The following KIF20B variants were observed in gnomAD, a reference collection of about 807,000 sequenced individuals.
The protein encoded by KIF20B is kinesin family member 20B, also known as kinesin-like protein KIF20B.
KIF20B carries 188 observed loss-of-function variants against 232.5 expected under a neutral mutation model. The observed-to-expected ratio is 0.81, with a 90% CI of 0.72 to 0.91. KIF20B has a LOEUF of 0.91. Among genes scored for constraint, KIF20B ranks in the 40% least tolerant of loss-of-function variants. The probability of loss-of-function intolerance (pLI) is 0.00; values close to 1 mark genes in which losing one functional copy is unlikely to be tolerated. For missense variants in KIF20B, 2,154 were observed against 2,055.9 expected, an observed-to-expected ratio of 1.05 and a Z score of -0.92; for synonymous variants, 712 against 683.0, an observed-to-expected ratio of 1.04 and a Z score of -0.66.
At chr10:89,707,854 G>T (rs957671854) in intron 2 of KIF20B, among the ~76,000 whole-genome samples, 2 of 152,134 alleles carry the variant, frequency 1.3e-5, no homozygotes, top group Non-Finnish European at 2.9e-5. Flanking sequence ...ACTTTGCTGA[G>T]AATTTTTATT....
chr10:89,716,129 C>T (rs192120125), intron 8 of KIF20B, among the ~76,000 whole-genome samples: 1 of 152,286 alleles, frequency 6.6e-6, no homozygotes, highest in East Asian at 1.9e-4. Context: ...TTAATCTGTA[C>T]TGTACTTTGC....
intron 26 of KIF20B, among the ~76,000 whole-genome samples, chr10:89,756,164 A>G (rs760422729): frequency 1.1e-4 from 17 of 152,204 alleles, no homozygotes; most frequent in African/African-American, 7.2e-5. Flanking sequence ...CTCATGTCAC[A>G]TGGTGTAAAT....
intron 4 of KIF20B, 53 bp from the exon 5 acceptor site, chr10:89,709,874 A>C: frequency 1.4e-6 from 2 of 1,460,536 alleles, no homozygotes; most frequent in Non-Finnish European, 1.9e-6. Context: ...GGAACACACT[A>C]TTAATATTAA....
At chr10:89,739,805 A>G (rs1841754165) in intron 21 of KIF20B, among the ~76,000 whole-genome samples, 1 of 152,156 alleles carries the variant, frequency 6.6e-6, no homozygotes, top group Non-Finnish European at 1.5e-5. Context: ...TTTAAAAAAT[A>G]TAATTTAACC....
At chr10:89,705,842 G>A (rs1447220771) in intron 2 of KIF20B, among the ~76,000 whole-genome samples, 1 of 152,112 alleles carries the variant, frequency 6.6e-6, no homozygotes, top group East Asian at 1.9e-4. Flanking sequence ...GAGATTTGTC[G>A]TGTGTCATAC....
intron 2 of KIF20B, among the ~76,000 whole-genome samples, chr10:89,708,377 A>G (rs1023128892): frequency 3.3e-5 from 5 of 151,864 alleles, no homozygotes; most frequent in African/African-American, 1.2e-4. Context: ...ATGCCTGGCT[A>G]ATTTTGTATT....
chr10:89,727,931 TATTTA>T (rs764700482), intron 17 of KIF20B, 35 bp downstream of exon 17: 7 of 1,507,600 alleles, frequency 4.6e-6, no homozygotes, highest in Admixed American at 4.2e-5. Flanking sequence ...CTTGATAAGG[TATTTA>T]ATTAACAAAG....
At chr10:89,736,651 G>C (rs1456596662) in intron 19 of KIF20B, among the ~76,000 whole-genome samples, 3 of 152,026 alleles carry the variant, frequency 2.0e-5, no homozygotes, top group Non-Finnish European at 4.4e-5. Context: ...GCCTGAAAAA[G>C]GCAAACTTTT....
intron 13 of KIF20B, among the ~76,000 whole-genome samples, chr10:89,719,984 C>T (rs1348474160): frequency 6.6e-6 from 1 of 152,180 alleles, no homozygotes; most frequent in Non-Finnish European, 1.5e-5. Context: ...TGACACCTTA[C>T]ATCTAAATAT....
In KIF20B at chr10:89,758,718, G is replaced by T. The variant is rs781212813; in HGVS notation, c.4516G>T (p.Ala1506Ser). ...ATTTCCTGATTAGGAAATACTGACA[G>T]CCCAGCTGACAGAGAAAGATAGTGA... ...KQQNEMEILT[A>S]QLTEKDSDLQ... is the part of the protein sequence containing the mutation. The change falls in exon 27 of 33, where the codon GCC becomes TCC. Residue 1506 changes from alanine (A) to serine (S), a missense_variant. Transcript: ENST00000371728. 1 of 1,587,632 alleles carries T rather than the reference G, an allele frequency of 6.3e-7. No individual in the cohort carries two copies. Among genetic ancestry groups the T allele is most frequent in the Non-Finnish European group, 8.6e-7 (1 of 1,169,036 alleles).
intron 6 of KIF20B, among the ~76,000 whole-genome samples, chr10:89,712,744 A>C (rs1842859915): frequency 6.6e-6 from 1 of 152,156 alleles, no homozygotes; most frequent in Admixed American, 6.5e-5. Flanking sequence ...TTTAAAAATG[A>C]AGTTATACTT....
chr10:89,764,491 A>T (rs1375396978), intron 29 of KIF20B, among the ~76,000 whole-genome samples: 5 of 152,146 alleles, frequency 3.3e-5, no homozygotes, highest in African/African-American at 1.2e-4. Context: ...ACGATGGTTG[A>T]ACTAGTTTAC....
intron 29 of KIF20B, among the ~76,000 whole-genome samples, chr10:89,765,852 A>G (rs1241811593): frequency 1.3e-5 from 2 of 152,064 alleles, no homozygotes; most frequent in Non-Finnish European, 1.5e-5. Context: ...TGGCTTGTAG[A>G]GTTTCTGCCG....
At chr10:89,722,677 T>A (rs996913164) in intron 13 of KIF20B, among the ~76,000 whole-genome samples, 8 of 151,978 alleles carry the variant, frequency 5.3e-5, no homozygotes, top group African/African-American at 9.7e-5. Context: ...TCAAAAAAAA[T>A]AAATAAATAA....
At chr10:89,765,094 C>G (rs1486299706) in intron 29 of KIF20B, among the ~76,000 whole-genome samples, 1 of 151,630 alleles carries the variant, frequency 6.6e-6, no homozygotes, top group South Asian at 2.1e-4. Flanking sequence ...GGAAGGGATC[C>G]AGTTTCAGCT....
At chr10:89,740,107 A>T (rs1841763286) in intron 21 of KIF20B, among the ~76,000 whole-genome samples, 1 of 152,156 alleles carries the variant, frequency 6.6e-6, no homozygotes, top group African/African-American at 2.4e-5. Flanking sequence ...GTGTTATCTC[A>T]TGGTAGTTTT....
intron 22 of KIF20B, 151 bp downstream of exon 22, chr10:89,744,078 GAAAAA>G: frequency 2.0e-6 from 1 of 508,072 alleles, no homozygotes; most frequent in Non-Finnish European, 3.2e-6. Context: ...AGGCAAAAAA[GAAAAA>G]AAAAAGATAA....
intron 31 of KIF20B, 97 bp from the exon 32 acceptor site, chr10:89,772,592 T>C (rs1842486279): frequency 2.8e-6 from 2 of 720,748 alleles, no homozygotes; most frequent in South Asian, 4.8e-5. Context: ...ATGTTCATTC[T>C]TTATTAAGGA....
chr10:89,729,173 A>G lies in KIF20B; in HGVS notation c.2317A>G (p.Ile773Val). ...NQRIKELINI[I>V]DQKEDTINEF... ...AAGAATTAAAGAATTGATAAATATA[A>G]TTGATCAAAAAGAAGATACTATCAA... Residue 773 changes from isoleucine (I) to valine (V), a missense_variant, in exon 18 of 33, where the codon ATT (isoleucine) becomes GTT (valine). Transcript: ENST00000371728. 3 of 1,467,694 alleles carry G rather than the reference A, an allele frequency of 2.0e-6. No homozygotes were observed. The highest frequency in any genetic ancestry group is 2.7e-6 in the Non-Finnish European group (3 of 1,091,798). The allele number at this position is 1,467,694 out of a possible 1,614,324, so 90.9% of individuals were successfully genotyped here.
Sources: allele counts gnomAD v4.1 joint callset (sites outside exome capture counted in the v4.1 genomes callset), GRCh38; gene constraint gnomAD v4.1.1; transcripts MANE v1.5; gene names NCBI Gene and HGNC (gene_info 2026-07-23, HGNC 2026-07-21).